PIGF: variants seen among roughly 807,000 people sequenced by gnomAD.
PIGF encodes GPI ethanolamine phosphate transferase, stabilizing subunit.
In PIGF, 23 loss-of-function variants were observed where a neutral mutation model predicts 26.0. The ratio of observed to expected loss-of-function variants is 0.88; its 90% confidence interval spans 0.64 to 1.25. The LOEUF is 1.25. Ranked by LOEUF, PIGF falls within the 50% of genes most tolerant of loss-of-function variation. The pLI is 0.00. For synonymous variants in PIGF, 93 were observed against 92.6 expected (o/e 1.00, Z -0.03); for missense variants, 278 against 249.9 (o/e 1.11, Z -0.76).
rs146393039 is a variant in PIGF at position 46,586,929 on chromosome 2, C to T, written c.547-5338G>A. Among the ~76,000 whole-genome samples the T allele has an allele frequency of 3.7e-3, 571 of 152,280 alleles. 3 individuals are homozygous for T. Among genetic ancestry groups the T allele is most frequent in the Middle Eastern group, 0.017 (5 of 294 alleles). On this transcript the variant is annotated intron_variant, in intron 5 of 5. Transcript: ENST00000281382. ...ATACTACTTTAGGAAGAGTTATTTG[C>T]GAAGGGGTGTGTAGTTCCTGGTCTG...
Position 46,592,594 on chromosome 2 carries a change from C to A in PIGF, c.438-11G>T. 7.4e-7 allele frequency: 1 copy of A among 1,355,718 alleles called. No individual in the cohort carries two copies. The highest frequency in any genetic ancestry group is 2.3e-5 in the East Asian group (1 of 43,694). 84.0% of individuals were successfully genotyped at this position (1,355,718 alleles called of 1,614,324 possible). A position where few individuals can be genotyped will look rare whatever the true frequency, so the allele number is the denominator to read the frequency against. On this transcript the variant is annotated splice_polypyrimidine_tract_variant and intron_variant, in intron 4 of 5. Coordinates refer to ENST00000281382, the MANE Select transcript of PIGF (RefSeq NM_002643.4). ...CATATGGATGTAACTCTGTGAAACA[C>A]AAATTGGTACATCGTTGGTGGTATA...
chr2:46,585,673 A>G (rs1669547977), intron 5 of PIGF, among the ~76,000 whole-genome samples: 1 of 152,382 alleles, frequency 6.6e-6, no homozygotes, highest in Middle Eastern at 3.4e-3. Context: ...CACTGACACT[A>G]CTATGTAATA....
chr2:46,601,688 T>A (rs766788801), intron 4 of PIGF, among the ~76,000 whole-genome samples: 1 of 152,084 alleles, frequency 6.6e-6, no homozygotes, highest in Non-Finnish European at 1.5e-5. Context: ...ACTTTTTATA[T>A]GAGTAAATCT....
intron 3 of PIGF, among the ~76,000 whole-genome samples, chr2:46,613,365 A>G (rs1316294402): frequency 2.0e-5 from 3 of 152,212 alleles, no homozygotes. Context: ...AAGAACTGAT[A>G]TGCTAATTAT....
chr2:46,605,615 T>C (rs535219843), intron 4 of PIGF, among the ~76,000 whole-genome samples: 3 of 152,298 alleles, frequency 2.0e-5, no homozygotes, highest in East Asian at 3.9e-4. Context: ...ATATTACATA[T>C]GTGAAGTTAA....
intron 4 of PIGF, among the ~76,000 whole-genome samples, chr2:46,606,270 A>G (rs1457307364): frequency 1.3e-5 from 2 of 152,168 alleles, no homozygotes; most frequent in Non-Finnish European, 2.9e-5. Context: ...GCAAGAGACA[A>G]CAGGTTTTAT....
At position 46,589,348 on chromosome 2, in the gene PIGF, T is replaced by G. The variant is rs1669663593; in HGVS notation, c.546+3127A>C. On this transcript the variant is annotated intron_variant, in intron 5 of 5. Coordinates refer to ENST00000281382, the MANE Select transcript of PIGF (RefSeq NM_002643.4). The surrounding 1 kb of genome is among the most constrained non-coding windows in gnomAD (Gnocchi z 4.7). ...TTCCAGTCATTTAATGAAGAAATTA[T>G]TTTAAACATAAAAATATGCTTGAAA... 6.6e-6 allele frequency among the ~76,000 whole-genome samples: 1 copy of G among 152,078 alleles called. No homozygotes were observed. The highest frequency in any genetic ancestry group is 1.5e-5 in the Non-Finnish European group (1 of 67,932).
At chr2:46,587,984 C>T (rs1669628681) in intron 5 of PIGF, 2 of 1,074,078 alleles carry the variant, frequency 1.9e-6, no homozygotes, top group African/African-American at 1.6e-5. Context: ...TTAAGTCTCC[C>T]TCTTCCCACC....
At chr2:46,613,494 T>C (rs1459801710) in intron 3 of PIGF, among the ~76,000 whole-genome samples, 200 bp downstream of exon 3, 1 of 152,172 alleles carries the variant, frequency 6.6e-6, no homozygotes, top group African/African-American at 2.4e-5. Context: ...ACTAGAAGGC[T>C]AGGTAACAAG....
chr2:46,612,358 A>G lies in PIGF; in HGVS notation c.321-14T>C. The stretch of plus-strand genomic sequence containing the variant: ...TCCAATGCCAACCTAGAAAAAAAAA[A>G]AGATTACTTTTTAAAAAAGTGTTAA... On this transcript the variant is annotated splice_polypyrimidine_tract_variant and intron_variant, in intron 3 of 5. Coordinates refer to ENST00000281382, the MANE Select transcript of PIGF (RefSeq NM_002643.4). The G allele has an allele frequency of 9.9e-7, 1 of 1,011,424 alleles. No homozygotes were observed. Among genetic ancestry groups the G allele is most frequent in the South Asian group, 1.6e-5 (1 of 60,622 alleles). 62.7% of individuals were successfully genotyped at this position (1,011,424 alleles called of 1,614,324 possible).
At chr2:46,594,643 C>T (rs2104086896) in intron 4 of PIGF, among the ~76,000 whole-genome samples, 1 of 151,368 alleles carries the variant, frequency 6.6e-6, no homozygotes, top group Non-Finnish European at 1.5e-5. Context: ...TCAAGCCATT[C>T]TTCTGTCTCA....
chr2:46,603,343 A>G (rs1670118778), intron 4 of PIGF, among the ~76,000 whole-genome samples: 1 of 152,110 alleles, frequency 6.6e-6, no homozygotes, highest in African/African-American at 2.4e-5. Context: ...TATTCTTCAC[A>G]TAAATAGAAG....
At chr2:46,613,105 T>C (rs1444046509) in intron 3 of PIGF, among the ~76,000 whole-genome samples, 3 of 151,858 alleles carry the variant, frequency 2.0e-5, no homozygotes, top group African/African-American at 7.2e-5. Context: ...TGTATATGTA[T>C]ATGTATCTCA....
Position 46,581,487 on chromosome 2 carries a change from C to G in PIGF, c.651G>C (p.Lys217Asn). 1.9e-6 allele frequency: 3 copies of G among 1,610,880 alleles called. No individual in the cohort carries two copies. Among genetic ancestry groups the G allele is most frequent in the Non-Finnish European group, 2.5e-6 (3 of 1,179,256 alleles). Reference protein sequence around the residue: ...IYWNRKQLTYKNN With the variant: ...IYWNRKQLTYNNN The stretch of plus-strand genomic sequence containing the variant: ...TCTCCCTTTGCTCCAGTTAATTGTT[C>G]TTGTATGTAAGTTGCTTTCTATTCC... Residue 217 changes from lysine to asparagine, a missense_variant, in exon 6 of 6, where the codon AAG (lysine) becomes AAC (asparagine). By Grantham distance (94) the Lys-to-Asn change is moderately conservative (BLOSUM62 0). Coordinates refer to ENST00000281382, the MANE Select transcript of PIGF (RefSeq NM_002643.4).
chr2:46,607,641 A>G (rs1371090041), intron 4 of PIGF, among the ~76,000 whole-genome samples: 4 of 151,974 alleles, frequency 2.6e-5, no homozygotes, highest in Non-Finnish European at 5.9e-5. Flanking sequence ...TGTGGCCTTG[A>G]TGTTGACGGC....
In PIGF at chr2:46,614,017, G is replaced by A. The variant is rs555873733; in HGVS notation, c.229-232C>T. On this transcript the variant is annotated intron_variant, in intron 2 of 5. Transcript: ENST00000281382. ...CCTTCCGCCCATATTCTACCCATCCGACCTACATGAGTCGAAAAGAGGTTC... is the reference window on the plus strand; with the variant it reads ...CCTTCCGCCCATATTCTACCCATCCAACCTACATGAGTCGAAAAGAGGTTC... 7.5e-4 allele frequency: 312 copies of A among 417,042 alleles called. 1 individual carries two copies. The highest frequency in any genetic ancestry group is 5.2e-3 in the African/African-American group (249 of 48,002). 25.8% of individuals were successfully genotyped at this position (417,042 alleles called of 1,614,324 possible). A position where few individuals can be genotyped will look rare whatever the true frequency, so the allele number is the denominator to read the frequency against.
At chr2:46,602,145 A>T (rs1474765576) in intron 4 of PIGF, among the ~76,000 whole-genome samples, 1 of 151,976 alleles carries the variant, frequency 6.6e-6, no homozygotes, top group East Asian at 1.9e-4. Flanking sequence ...TATTTTAAGA[A>T]ACCAAATGAC....
chr2:46,611,797 ATT>A (rs982299807), intron 4 of PIGF, among the ~76,000 whole-genome samples: 4 of 152,238 alleles, frequency 2.6e-5, no homozygotes, highest in Non-Finnish European at 5.9e-5. Context: ...AGAAATTATC[ATT>A]GTTACACAAC....
rs1386089445 is a variant in PIGF at position 46,612,285 on chromosome 2, C to G, written c.380G>C (p.Cys127Ser). The change falls in exon 4 of 6, where the codon TGC (cysteine) becomes TCC (serine). Residue 127 changes from cysteine (C) to serine (S), a missense_variant. Physicochemically the swap from Cys to Ser is moderately radical, Grantham distance 112. Transcript: ENST00000281382. The part of the protein sequence containing the change: ...VILSTFTTVP[C>S]LCLLGPNLKA... ...GAGGTTTGGTCCTAACAAACATAAG[C>G]AAGGCACAGTAGTAAAAGTAGACAA... is the stretch of plus-strand genomic sequence containing the variant. The G allele has an allele frequency of 3.4e-6, 5 of 1,484,754 alleles. No individual in the cohort carries two copies. The African/African-American group carries it at 5.8e-5, about 17-fold the overall frequency. The allele number at this position is 1,484,754 out of a possible 1,614,324, so 92.0% of individuals were successfully genotyped here.
Sources: allele counts gnomAD v4.1 joint callset (sites outside exome capture counted in the v4.1 genomes callset), GRCh38; gene constraint gnomAD v4.1.1; non-coding constraint Gnocchi (gnomAD v3.1); transcripts MANE v1.5; gene names NCBI Gene and HGNC (gene_info 2026-07-23, HGNC 2026-07-21).